The following SYN3 variants were observed in gnomAD, a reference collection of about 807,000 sequenced individuals.
The protein encoded by SYN3 is synapsin-3.
Under a neutral mutation model 65.8 loss-of-function variants are expected in SYN3, and 35 were observed. The observed-to-expected ratio is 0.53, with a 90% CI of 0.41 to 0.70. The LOEUF (loss-of-function observed/expected upper bound fraction) is 0.70, where lower values mean the gene tolerates loss of function less well. Ranked by LOEUF, SYN3 falls within the 30% of genes least tolerant of loss-of-function variation. SYN3 has a pLI of 0.00. For missense variants in SYN3, 680 were observed against 749.0 expected (o/e 0.91, Z 1.08); for synonymous variants, 270 against 292.9 (o/e 0.92, Z 0.80).
At chr22:32,882,747 A>G (rs1376596064) in intron 4 of SYN3, among the ~76,000 whole-genome samples, 1 of 152,010 alleles carries the variant, frequency 6.6e-6, no homozygotes, top group African/African-American at 2.4e-5. Flanking sequence ...TGAAGCAAAC[A>G]TGGCAAAATG....
intron 4 of SYN3, among the ~76,000 whole-genome samples, chr22:32,913,570 A>G (rs1409866910): frequency 6.6e-6 from 1 of 151,644 alleles, no homozygotes; most frequent in Admixed American, 6.6e-5. Flanking sequence ...AGGTTTTTCT[A>G]TTTTCTTGCT....
intron 2 of SYN3, among the ~76,000 whole-genome samples, chr22:32,981,009 C>T (rs1159361719): frequency 6.6e-6 from 1 of 151,912 alleles, no homozygotes; most frequent in African/African-American, 2.4e-5. Context: ...TGCCTGCCAT[C>T]ACATCCGGCT....
At chr22:32,615,036 G>C (rs2059496316) in intron 6 of SYN3, among the ~76,000 whole-genome samples, 1 of 152,038 alleles carries the variant, frequency 6.6e-6, no homozygotes, top group Admixed American at 6.5e-5. Context: ...CCCCACCGTG[G>C]TTGGGAGCCG....
intron 13 of SYN3, among the ~76,000 whole-genome samples, chr22:32,514,105 C>T (rs2057731564): frequency 6.6e-6 from 1 of 152,158 alleles, no homozygotes; most frequent in African/African-American, 2.4e-5. Flanking sequence ...CACCCAGAGG[C>T]CACATTCTTT....
chr22:32,565,963 C>T (rs964381827), intron 7 of SYN3, among the ~76,000 whole-genome samples: 2 of 152,142 alleles, frequency 1.3e-5, no homozygotes, highest in East Asian at 1.9e-4. Flanking sequence ...CTGCCCGCCT[C>T]GGCCTCCCAA....
At chr22:32,947,703 GC>G (rs764195348) in intron 3 of SYN3, 3 of 152,196 alleles carry the variant, frequency 2.0e-5, no homozygotes, top group Non-Finnish European at 2.9e-5. Flanking sequence ...GATTTTGAGT[GC>G]CCTGTGAAGG....
intron 6 of SYN3, among the ~76,000 whole-genome samples, chr22:32,843,556 T>C (rs1601519712): frequency 6.6e-6 from 1 of 152,176 alleles, no homozygotes; most frequent in South Asian, 2.1e-4. Context: ...CTGTGGGAGA[T>C]GATAAAATAC....
chr22:32,850,814 C>T (rs1227907684), intron 6 of SYN3, among the ~76,000 whole-genome samples: 1 of 152,178 alleles, frequency 6.6e-6, no homozygotes, highest in Non-Finnish European at 1.5e-5. Context: ...GGCCTGGAAA[C>T]TCCCCAGAGG....
Position 32,876,085 on chromosome 22 carries a change from C to T in SYN3, c.462-6960G>A, listed in dbSNP as rs529580304. 6.6e-5 allele frequency among the ~76,000 whole-genome samples: 10 copies of T among 152,272 alleles called. No homozygotes were observed. In the South Asian group the frequency reaches 1.9e-3, roughly 28 times the overall value. ...GAACAAAATACTATAGACTGGGTGA[C>T]TTATAAACAACAGAAATTCATTTCT... On this transcript the variant is annotated intron_variant, in intron 4 of 13. Transcript: ENST00000358763.
intron 6 of SYN3, among the ~76,000 whole-genome samples, chr22:32,746,065 C>T (rs2044923353): frequency 6.6e-6 from 1 of 152,220 alleles, no homozygotes; most frequent in Admixed American, 6.5e-5. Context: ...ATAGTCACCT[C>T]TTAAGAATTG....
chr22:32,971,094 A>G (rs908173216), intron 3 of SYN3, among the ~76,000 whole-genome samples: 2 of 152,240 alleles, frequency 1.3e-5, no homozygotes, highest in African/African-American at 4.8e-5. Flanking sequence ...CCTAGCAAAT[A>G]GTAAATGTTC....
At chr22:32,535,345 C>T (rs567528443) in intron 9 of SYN3, among the ~76,000 whole-genome samples, 225 of 152,368 alleles carry the variant, frequency 1.5e-3, no homozygotes, top group African/African-American at 5.2e-3. Flanking sequence ...TCTGGTTGTA[C>T]ATCAGAATCA....
chr22:32,869,690 G>T (rs73158365), intron 4 of SYN3, among the ~76,000 whole-genome samples: 22,721 of 115,468 alleles, frequency 0.2, 2,563 homozygotes, highest in Non-Finnish European at 0.25. Flanking sequence ...ACACATCTTG[G>T]TTTTTTTTTT....
intron 6 of SYN3, among the ~76,000 whole-genome samples, chr22:32,760,899 T>C (rs899257812): frequency 2.0e-5 from 3 of 152,218 alleles, no homozygotes; most frequent in Non-Finnish European, 4.4e-5. Flanking sequence ...CACTTCACAC[T>C]GCCCAGGCAG....
chr22:32,650,822 C>A (rs1000622015), intron 6 of SYN3, among the ~76,000 whole-genome samples: 11 of 152,194 alleles, frequency 7.2e-5, no homozygotes, highest in African/African-American at 2.7e-4. Flanking sequence ...GCATGCCAAG[C>A]ACTTAGCTTC....
intron 6 of SYN3, among the ~76,000 whole-genome samples, chr22:32,689,962 G>A (rs1446206861): frequency 1.3e-5 from 2 of 152,100 alleles, no homozygotes; most frequent in African/African-American, 4.8e-5. Context: ...GATTACCTGA[G>A]GTCAGGAGTT....
At chr22:32,575,714 C>T (rs1218930488) in intron 7 of SYN3, among the ~76,000 whole-genome samples, 2 of 152,134 alleles carry the variant, frequency 1.3e-5, no homozygotes, top group East Asian at 1.9e-4. Context: ...TCCAGGCTCT[C>T]GGAGAGGCAG....
At chr22:32,572,446 C>T (rs1370365608) in intron 7 of SYN3, among the ~76,000 whole-genome samples, 1 of 127,028 alleles carries the variant, frequency 7.9e-6, no homozygotes. Context: ...TTCCCTCCTT[C>T]CTTTCCTCCC....
At chr22:32,830,962 T>TC (rs2047556466) in intron 6 of SYN3, among the ~76,000 whole-genome samples, 1 of 152,176 alleles carries the variant, frequency 6.6e-6, no homozygotes, top group Non-Finnish European at 1.5e-5. Flanking sequence ...TGTTTTTTTT[T>TC]CCCCAACCAG....
Sources: allele counts gnomAD v4.1 joint callset (sites outside exome capture counted in the v4.1 genomes callset), GRCh38; gene constraint gnomAD v4.1.1; transcripts MANE v1.5; gene names NCBI Gene and HGNC (gene_info 2026-07-23, HGNC 2026-07-21).